ARFIP1: variants seen among roughly 807,000 people sequenced by gnomAD.
ARFIP1 encodes the protein ARF interacting protein 1, also known as arfaptin-1.
ARFIP1 carries 24 observed loss-of-function variants against 42.5 expected under a neutral mutation model. The observed-to-expected ratio is 0.57, with a 90% CI of 0.41 to 0.80. The LOEUF is 0.80. ARFIP1 is among the 30% of genes least tolerant of loss of function. ARFIP1 has a pLI of 0.00. For synonymous variants in ARFIP1, 141 were observed against 153.7 expected, an observed-to-expected ratio of 0.92 and a Z score of 0.61; for missense variants, 354 against 434.0, an observed-to-expected ratio of 0.82 and a Z score of 1.64.
At chr4:152,894,853 G>T (rs536489484) in intron 8 of ARFIP1, among the ~76,000 whole-genome samples, 1 of 152,192 alleles carries the variant, frequency 6.6e-6, no homozygotes, top group Non-Finnish European at 1.5e-5. Flanking sequence ...GTTGGGGAAG[G>T]CCTTCATGAG....
chr4:152,885,574 T>G (rs2149895186), intron 7 of ARFIP1, among the ~76,000 whole-genome samples: 2 of 152,146 alleles, frequency 1.3e-5, no homozygotes, highest in Admixed American at 1.3e-4. Flanking sequence ...GCTTCTCTTC[T>G]TGGTGGTAAT....
At chr4:152,782,642 A>G (rs561094151) in intron 1 of ARFIP1, among the ~76,000 whole-genome samples, 2 of 152,194 alleles carry the variant, frequency 1.3e-5, no homozygotes, top group South Asian at 2.1e-4. Context: ...TGGCTTTGCT[A>G]TGAAAAACAA....
chr4:152,910,976 G>A lies in ARFIP1; in HGVS notation c.*757G>A, dbSNP rs949474678. Reference sequence around the variant, plus strand: ...TTTTTTTTTTTGACAGGTGGACGTGGGAATGGAAATTCTTAATGGTTTCTG... The same window carrying A: ...TTTTTTTTTTTGACAGGTGGACGTGAGAATGGAAATTCTTAATGGTTTCTG... On this transcript the variant is annotated 3_prime_UTR_variant, in exon 9 of 9. Transcript: ENST00000353617. The A allele has an allele frequency of 2.0e-5, 3 of 152,604 alleles. No homozygotes were observed. Among genetic ancestry groups the A allele is most frequent in the Admixed American group, 6.5e-5 (1 of 15,272 alleles). The allele number at this position is 152,604 out of a possible 1,614,324, so 9.5% of individuals were successfully genotyped here.
intron 1 of ARFIP1, among the ~76,000 whole-genome samples, chr4:152,804,792 A>G (rs1728875537): frequency 6.6e-6 from 1 of 151,940 alleles, no homozygotes; most frequent in Non-Finnish European, 1.5e-5. Flanking sequence ...TTAATATGTA[A>G]AATTAATGTG....
rs371767249 is a variant in ARFIP1 at position 152,910,253 on chromosome 4, G to A, written c.*34G>A. 1.2e-6 allele frequency: 2 copies of A among 1,603,174 alleles called. No homozygotes were observed. Among genetic ancestry groups the A allele is most frequent in the African/African-American group, 1.3e-5 (1 of 74,316 alleles). ...CGGAAAATAAAAAGAAAGTCGCGTT[G>A]TTATATTTCTAAACCAACCTAACAA... is the stretch of plus-strand genomic sequence containing the variant. On this transcript the variant is annotated 3_prime_UTR_variant, in exon 9 of 9. Transcript: ENST00000353617.
intron 1 of ARFIP1, among the ~76,000 whole-genome samples, chr4:152,784,381 C>G (rs1055129556): frequency 5.3e-5 from 8 of 152,088 alleles, no homozygotes; most frequent in Admixed American, 1.3e-4. Flanking sequence ...TTCCTTTATT[C>G]CTATTCTCCT....
intron 2 of ARFIP1, among the ~76,000 whole-genome samples, chr4:152,835,837 G>A (rs112958051): frequency 0.048 from 7,255 of 152,276 alleles, 586 homozygotes; most frequent in African/African-American, 0.16. Flanking sequence ...ATCTGCTCCT[G>A]GTGAGGGCCT....
chr4:152,796,527 A>G (rs1731480181), intron 1 of ARFIP1: 1 of 766,512 alleles, frequency 1.3e-6, no homozygotes, highest in Non-Finnish European at 2.4e-6. Context: ...CTGTTTAATC[A>G]TATTGGAAAG....
intron 3 of ARFIP1, among the ~76,000 whole-genome samples, chr4:152,866,126 C>T (rs548091814): frequency 7.9e-5 from 12 of 152,122 alleles, no homozygotes; most frequent in African/African-American, 2.7e-4. Flanking sequence ...CTTGCACCGC[C>T]CTTAATCCAT....
intron 2 of ARFIP1, among the ~76,000 whole-genome samples, chr4:152,844,877 T>C (rs753109767): frequency 2.6e-5 from 4 of 152,016 alleles, no homozygotes; most frequent in Non-Finnish European, 5.9e-5. Flanking sequence ...AAAATTCATA[T>C]AGAACCAAAA....
chr4:152,854,544 G>C (rs555198290), intron 2 of ARFIP1, among the ~76,000 whole-genome samples: 1 of 152,202 alleles, frequency 6.6e-6, no homozygotes, highest in East Asian at 1.9e-4. Context: ...GCTTGTTCAT[G>C]TTTTTTGTGT....
intron 8 of ARFIP1, among the ~76,000 whole-genome samples, chr4:152,894,298 A>G (rs1049763345): frequency 6.6e-6 from 1 of 152,162 alleles, no homozygotes; most frequent in Non-Finnish European, 1.5e-5. Flanking sequence ...TTGAGGGCAG[A>G]AGTATTCTTT....
chr4:152,876,839 GC>G (rs367684679), intron 5 of ARFIP1, among the ~76,000 whole-genome samples: 70 of 152,358 alleles, frequency 4.6e-4, no homozygotes, highest in African/African-American at 1.6e-3. Flanking sequence ...GCTGAAAGGG[GC>G]CAATGTAGAG....
intron 1 of ARFIP1, among the ~76,000 whole-genome samples, chr4:152,826,043 C>T (rs374594459): frequency 4.6e-5 from 7 of 151,928 alleles, no homozygotes; most frequent in East Asian, 1.9e-4. Flanking sequence ...AATGCTTATA[C>T]GTTGCTGGTG....
At chr4:152,815,805 A>C (rs1004718671) in intron 1 of ARFIP1, among the ~76,000 whole-genome samples, 4 of 122,466 alleles carry the variant, frequency 3.3e-5, no homozygotes, top group East Asian at 2.5e-4. Context: ...AGTGCAGTGG[A>C]GGGATCTCGG....
intron 8 of ARFIP1, among the ~76,000 whole-genome samples, chr4:152,906,074 A>G (rs933193829): frequency 3.3e-5 from 5 of 152,040 alleles, no homozygotes; most frequent in South Asian, 2.1e-4. Flanking sequence ...GTTTTTTTCT[A>G]TAAGTTTTTG....
At position 152,882,727 on chromosome 4, in the gene ARFIP1, A is replaced by T. The variant is rs201425288; in HGVS notation, c.638A>T (p.Glu213Val). 6.2e-6 allele frequency: 10 copies of T among 1,612,718 alleles called. No individual in the cohort carries two copies. In the East Asian group the frequency reaches 2.2e-4, roughly 36 times the overall value. Reference sequence around the variant, plus strand: ...AAGGTGACTTCTTTGTTTTAGGAAGAATTTGGCTATAATGCCGATACCCAG... The same window carrying T: ...AAGGTGACTTCTTTGTTTTAGGAAGTATTTGGCTATAATGCCGATACCCAG... ...LSLKSLELHE[E>V]FGYNADTQKL... Residue 213 changes from glutamate to valine, a missense_variant, in exon 7 of 9, where the codon GAA becomes GTA. Physicochemically the swap from Glu to Val is moderately radical, Grantham distance 121 (BLOSUM62 -2). Transcript: ENST00000353617.
chr4:152,798,192 G>T (rs1036880259), intron 1 of ARFIP1, among the ~76,000 whole-genome samples: 2 of 152,192 alleles, frequency 1.3e-5, no homozygotes, highest in African/African-American at 4.8e-5. Context: ...GAACCCGGGA[G>T]GCGGAGGTTA....
At chr4:152,808,643 C>T (rs1435294011) in intron 1 of ARFIP1, among the ~76,000 whole-genome samples, 1 of 151,994 alleles carries the variant, frequency 6.6e-6, no homozygotes, top group African/African-American at 2.4e-5. Flanking sequence ...CTGGCTACTA[C>T]TTGGTTTTGT....
Sources: gnomAD v4.1 joint callset for allele counts (sites outside exome capture counted in the v4.1 genomes callset) on GRCh38, gnomAD v4.1.1 for gene constraint, MANE v1.5 for transcripts, NCBI Gene and HGNC (gene_info 2026-07-23, HGNC 2026-07-21) for gene names.